Variants in TRPC4 observed in about 807,000 individuals in gnomAD.
TRPC4 encodes the protein short transient receptor potential channel 4.
Under a neutral mutation model 99.4 loss-of-function variants are expected in TRPC4, and 49 were observed. That is an observed-to-expected ratio of 0.49 (90% CI 0.39 to 0.63). TRPC4 has a LOEUF of 0.63. Ranked by LOEUF, TRPC4 falls within the 20% of genes least tolerant of loss-of-function variation. The pLI is 0.00. For synonymous variants in TRPC4, 454 were observed against 425.9 expected (o/e 1.07, Z -0.81); for missense variants, 898 against 1,152.9 (o/e 0.78, Z 3.20).
At chr13:37,864,478 C>A (rs1056457484) in intron 1 of TRPC4, among the ~76,000 whole-genome samples, 2 of 151,522 alleles carry the variant, frequency 1.3e-5, no homozygotes, top group African/African-American at 4.8e-5. Context: ...TGTATAAGTG[C>A]AACATTATCA....
rs1021860704 is a variant in TRPC4 at position 37,862,451 on chromosome 13, C to T, written c.-28+7144G>A. On this transcript the variant is annotated intron_variant, in intron 1 of 10. Transcript: ENST00000379705. ...TTAACACGGATTTACAGTAAAAAAA[C>T]TTAAGTCCTACTCTTACGGAAAACA... 6.6e-5 allele frequency among the ~76,000 whole-genome samples: 10 copies of T among 151,632 alleles called. No homozygotes were observed. The East Asian group carries it at 1.9e-3, about 29-fold the overall frequency.
intron 1 of TRPC4, among the ~76,000 whole-genome samples, chr13:37,807,725 T>G (rs201095169): frequency 6.6e-6 from 1 of 152,040 alleles, no homozygotes; most frequent in East Asian, 1.9e-4. Flanking sequence ...AACACAGACT[T>G]AAAAATGTTT....
At chr13:37,868,599 T>C (rs1959932279) in intron 1 of TRPC4, among the ~76,000 whole-genome samples, 1 of 151,608 alleles carries the variant, frequency 6.6e-6, no homozygotes, top group African/African-American at 2.4e-5. Context: ...GAGGCGGTGT[T>C]TTATTAAAAC....
chr13:37,670,588 C>A (rs1294443769), intron 5 of TRPC4, among the ~76,000 whole-genome samples: 19 of 152,206 alleles, frequency 1.2e-4, no homozygotes, highest in Non-Finnish European at 1.5e-5. Flanking sequence ...CACATATCTT[C>A]CAGATGTTAC....
At position 37,634,020 on chromosome 13, in the gene TRPC4, T is replaced by A. The variant is rs1841573073; in HGVS notation, c.*2883A>T. 6.6e-6 allele frequency among the ~76,000 whole-genome samples: 1 copy of A among 152,036 alleles called. No individual in the cohort carries two copies. The highest frequency in any genetic ancestry group is 2.4e-5 in the African/African-American group (1 of 41,426). ...AAAGTGTTTTAAACTTACCTGCTAG[T>A]CTATTAAACTGAATTTTCAACACAC... On this transcript the variant is annotated 3_prime_UTR_variant, in exon 11 of 11. Coordinates refer to ENST00000379705, the MANE Select transcript of TRPC4 (RefSeq NM_016179.4).
At chr13:37,707,611 C>G (rs1265063461) in intron 3 of TRPC4, among the ~76,000 whole-genome samples, 1 of 152,104 alleles carries the variant, frequency 6.6e-6, no homozygotes, top group Non-Finnish European at 1.5e-5. Flanking sequence ...TATGTCAGTA[C>G]TAATATCCAT....
rs1953240200 is a variant in TRPC4, at chr13:37,681,553, A to T, written c.1235-7186T>A. Among the ~76,000 whole-genome samples the T allele has an allele frequency of 2.6e-5, 4 of 152,152 alleles. No homozygotes were observed. In the South Asian group the frequency reaches 6.2e-4, roughly 24 times the overall value. Reference sequence around the variant, plus strand: ...CTGTGGATTTATGTTTGTTATAAGCATGGTAGCGAAATGGCCAGTTTCATT... The same window carrying T: ...CTGTGGATTTATGTTTGTTATAAGCTTGGTAGCGAAATGGCCAGTTTCATT... On this transcript the variant is annotated intron_variant, in intron 4 of 10. Coordinates refer to ENST00000379705, the MANE Select transcript of TRPC4 (RefSeq NM_016179.4).
intron 3 of TRPC4, among the ~76,000 whole-genome samples, chr13:37,722,606 T>G (rs897126526): frequency 6.6e-6 from 1 of 152,158 alleles, no homozygotes; most frequent in African/African-American, 2.4e-5. Context: ...TCTATAATGT[T>G]TTCATACACA....
chr13:37,659,626 A>G (rs1952362045), intron 6 of TRPC4, among the ~76,000 whole-genome samples: 1 of 152,160 alleles, frequency 6.6e-6, no homozygotes, highest in Non-Finnish European at 1.5e-5. Context: ...GTAGCCTCAG[A>G]TATTAGTTTA....
intron 1 of TRPC4, among the ~76,000 whole-genome samples, chr13:37,823,857 T>C (rs1368072919): frequency 6.6e-6 from 1 of 150,686 alleles, no homozygotes; most frequent in African/African-American, 2.4e-5. Flanking sequence ...GTAAATTACC[T>C]TGGGCAGTAT....
At chr13:37,801,852 G>T (rs1417791997) in intron 1 of TRPC4, among the ~76,000 whole-genome samples, 1 of 152,060 alleles carries the variant, frequency 6.6e-6, no homozygotes, top group Non-Finnish European at 1.5e-5. Flanking sequence ...TGAAAAATAT[G>T]TAGCTAGGGA....
At chr13:37,860,783 C>G (rs1252025365) in intron 1 of TRPC4, among the ~76,000 whole-genome samples, 2 of 151,550 alleles carry the variant, frequency 1.3e-5, no homozygotes, top group East Asian at 3.9e-4. Context: ...AGCCTCCAAT[C>G]CTAGATCCAA....
chr13:37,831,876 T>A (rs952320897), intron 1 of TRPC4, among the ~76,000 whole-genome samples: 1 of 151,936 alleles, frequency 6.6e-6, no homozygotes, highest in Middle Eastern at 3.2e-3. Context: ...GTTACCAGAG[T>A]CTGGCAGGAG....
At chr13:37,714,165 C>T (rs557558510) in intron 3 of TRPC4, among the ~76,000 whole-genome samples, 13 of 151,442 alleles carry the variant, frequency 8.6e-5, no homozygotes, top group South Asian at 6.3e-4. Flanking sequence ...CTTACTCTGT[C>T]GCCCAGGCTG....
In TRPC4 at chr13:37,746,068, G is replaced by T; in HGVS notation, c.766C>A (p.Leu256Met). The change falls in exon 3 of 11, where the codon CTG (leucine) becomes ATG (methionine). Residue 256 changes from leucine to methionine, a missense_variant. Physicochemically the swap from Leu to Met is conservative, Grantham distance 15. Around this residue, in one of 3 missense-constraint regions of TRPC4, gnomAD observed 278 missense variants for 346.6 expected, o/e 0.80. Coordinates refer to ENST00000379705, the MANE Select transcript of TRPC4 (RefSeq NM_016179.4). ...TCTCTGGAACTTCTCGTCTGATCCA[G>T]TAGGTCCTTAGCAAATTGTTTGCAC... ...RQCKQFAKDL[L>M]DQTRSSRELE... 1 of 1,613,920 alleles carries T rather than the reference G, an allele frequency of 6.2e-7. No individual in the cohort carries two copies. The highest frequency in any genetic ancestry group is 1.3e-5 in the African/African-American group (1 of 75,036).
intron 4 of TRPC4, among the ~76,000 whole-genome samples, chr13:37,687,090 G>A (rs965405517): frequency 3.3e-5 from 5 of 151,448 alleles, no homozygotes; most frequent in Admixed American, 1.3e-4. Flanking sequence ...TCAGCCTCCC[G>A]AGTAGCTGGG....
At chr13:37,748,592 A>G (rs1381353170) in intron 2 of TRPC4, among the ~76,000 whole-genome samples, 6 of 151,886 alleles carry the variant, frequency 4.0e-5, no homozygotes, top group African/African-American at 1.2e-4. Flanking sequence ...TACTCAATAA[A>G]CCATTGCATT....
At chr13:37,802,396 T>C (rs973177838) in intron 1 of TRPC4, among the ~76,000 whole-genome samples, 1 of 152,110 alleles carries the variant, frequency 6.6e-6, no homozygotes, top group Non-Finnish European at 1.5e-5. Context: ...TTTGTGACAA[T>C]GTCGGAGTTG....
chr13:37,808,910 C>T (rs183444642), intron 1 of TRPC4, among the ~76,000 whole-genome samples: 7 of 151,986 alleles, frequency 4.6e-5, no homozygotes, highest in African/African-American at 7.2e-5. Flanking sequence ...CCCCTGAAAC[C>T]GCCATCTAAG....
Sources: gnomAD v4.1 joint callset for allele counts (sites outside exome capture counted in the v4.1 genomes callset) on GRCh38, gnomAD v4.1.1 for gene constraint, gnomAD v4.1.1 regional missense constraint, MANE v1.5 for transcripts, NCBI Gene and HGNC (gene_info 2026-07-23, HGNC 2026-07-21) for gene names.